SNX24: variants seen among roughly 807,000 people sequenced by gnomAD.
SNX24 encodes sorting nexin-24.
A neutral mutation model predicts 28.7 loss-of-function variants in SNX24; 22 were observed. The ratio of observed to expected loss-of-function variants is 0.77; its 90% confidence interval spans 0.55 to 1.10. The LOEUF (loss-of-function observed/expected upper bound fraction) is 1.10, where lower values mean the gene tolerates loss of function less well. SNX24 is among the 50% of genes least tolerant of loss of function. The pLI, the probability that SNX24 is intolerant of heterozygous loss-of-function variation, is 0.00. For missense variants in SNX24, 221 were observed against 201.1 expected (o/e 1.10, Z -0.60); for synonymous variants, 69 against 71.5 (o/e 0.96, Z 0.18).
chr5:122,869,897 GT>G (rs10623024), intron 1 of SNX24, among the ~76,000 whole-genome samples: 3 of 147,698 alleles, frequency 2.0e-5, no homozygotes, highest in Non-Finnish European at 4.5e-5. Context: ...AGTGCTATGA[GT>G]TTTTTTTTTT....
At chr5:122,992,853 A>T (rs1252828944) in intron 3 of SNX24, among the ~76,000 whole-genome samples, 1 of 152,206 alleles carries the variant, frequency 6.6e-6, no homozygotes, top group African/African-American at 2.4e-5. Context: ...TTCCAGAAAA[A>T]CACAGAATGT....
chr5:122,911,067 T>G (rs246289), intron 1 of SNX24, among the ~76,000 whole-genome samples: 115,070 of 150,296 alleles, frequency 0.77, 44,832 homozygotes, highest in East Asian at 0.99. Flanking sequence ...ATGGTTGAAC[T>G]AGTTTACAGT....
intron 3 of SNX24, among the ~76,000 whole-genome samples, chr5:122,986,124 A>G: frequency 6.6e-6 from 1 of 152,182 alleles, no homozygotes; most frequent in Non-Finnish European, 1.5e-5. Flanking sequence ...ATTGGCAGAG[A>G]TGAGGAAAGT....
At chr5:122,965,028 C>T (rs968065223) in intron 3 of SNX24, among the ~76,000 whole-genome samples, 1 of 152,058 alleles carries the variant, frequency 6.6e-6, no homozygotes, top group Non-Finnish European at 1.5e-5. Context: ...AGCATATTCT[C>T]CTTGTTCTAC....
At chr5:122,943,529 C>T (rs1428059822) in intron 2 of SNX24, among the ~76,000 whole-genome samples, 2 of 152,200 alleles carry the variant, frequency 1.3e-5, no homozygotes, top group African/African-American at 2.4e-5. Flanking sequence ...TCACGTGAGG[C>T]TCGGGGCCCT....
chr5:122,921,641 T>G (rs533429229), intron 1 of SNX24, among the ~76,000 whole-genome samples: 8 of 152,282 alleles, frequency 5.3e-5, no homozygotes, highest in African/African-American at 1.9e-4. Context: ...AAAAAAAGAT[T>G]TATTCTTCCT....
chr5:122,848,027 T>G (rs1754720766), intron 1 of SNX24, among the ~76,000 whole-genome samples: 1 of 152,206 alleles, frequency 6.6e-6, no homozygotes, highest in Admixed American at 6.5e-5. Flanking sequence ...TATTTCAGTT[T>G]CCTAAATAAG....
intron 3 of SNX24, among the ~76,000 whole-genome samples, chr5:122,982,096 A>G (rs1761419273): frequency 6.6e-6 from 1 of 152,194 alleles, no homozygotes; most frequent in Admixed American, 6.5e-5. Context: ...TGACTGGTAG[A>G]TAATAGAAGC....
intron 1 of SNX24, among the ~76,000 whole-genome samples, chr5:122,925,099 C>T (rs1194270263): frequency 7.0e-6 from 1 of 142,588 alleles, no homozygotes; most frequent in Non-Finnish European, 1.5e-5. Flanking sequence ...CTCCTCCTTC[C>T]CTCTCTCTTC....
intron 3 of SNX24, among the ~76,000 whole-genome samples, chr5:122,946,394 CTG>C: frequency 6.6e-6 from 1 of 152,220 alleles, no homozygotes; most frequent in East Asian, 1.9e-4. Flanking sequence ...AAGGTGAAAA[CTG>C]TTGAGGAGAG....
chr5:123,023,338 ATTTC>A (rs1247720959), intron 5 of SNX24: 2 of 152,228 alleles, frequency 1.3e-5, no homozygotes, highest in Non-Finnish European at 2.9e-5. Context: ...ATTTTTGTAT[ATTTC>A]TTAAAGAACT....
intron 5 of SNX24, chr5:123,023,837 C>CA (rs397999141): frequency 3.1e-5 from 50 of 1,592,198 alleles, no homozygotes; most frequent in South Asian, 3.4e-5. Flanking sequence ...CACACACACA[C>CA]CCCTGCCAAA....
intron 3 of SNX24, among the ~76,000 whole-genome samples, chr5:122,949,106 G>A (rs1382616634): frequency 6.6e-6 from 1 of 152,108 alleles, no homozygotes; most frequent in Non-Finnish European, 1.5e-5. Flanking sequence ...AATTAATTTT[G>A]TTCTATCTGA....
intron 3 of SNX24, among the ~76,000 whole-genome samples, chr5:122,993,129 T>C (rs1761922859): frequency 6.6e-6 from 1 of 152,124 alleles, no homozygotes; most frequent in Non-Finnish European, 1.5e-5. Flanking sequence ...AGATATCCAT[T>C]TGAATTCCTT....
chr5:122,917,476 A>G (rs980750274), intron 1 of SNX24, among the ~76,000 whole-genome samples: 6 of 152,202 alleles, frequency 3.9e-5, no homozygotes, highest in Admixed American at 3.3e-4. Flanking sequence ...AGGAATAAGC[A>G]TGTTGTTTGC....
intron 6 of SNX24, among the ~76,000 whole-genome samples, chr5:123,006,117 C>T (rs923239977): frequency 1.3e-5 from 2 of 152,110 alleles, no homozygotes; most frequent in Non-Finnish European, 2.9e-5. Context: ...ATTAAGTGGT[C>T]GATCCAGGAA....
At chr5:122,848,398 T>C (rs1379389925) in intron 1 of SNX24, among the ~76,000 whole-genome samples, 1 of 151,926 alleles carries the variant, frequency 6.6e-6, no homozygotes, top group Non-Finnish European at 1.5e-5. Context: ...GCCCGACCTG[T>C]GTTTGTGTTT....
intron 3 of SNX24, among the ~76,000 whole-genome samples, chr5:122,956,377 CA>C (rs1561653748): frequency 9.8e-3 from 105 of 10,684 alleles, no homozygotes; most frequent in African/African-American, 0.087. Context: ...TACACACACA[CA>C]CACACACACA....
intron 6 of SNX24, among the ~76,000 whole-genome samples, chr5:123,006,343 C>T (rs986050030): frequency 7.9e-5 from 12 of 152,170 alleles, no homozygotes; most frequent in Admixed American, 2.6e-4. Context: ...TCACCCCTTC[C>T]CTCACTAGCC....
Sources: gnomAD v4.1 joint callset for allele counts (sites outside exome capture counted in the v4.1 genomes callset) on GRCh38, gnomAD v4.1.1 for gene constraint, MANE v1.5 for transcripts, NCBI Gene and HGNC (gene_info 2026-07-23, HGNC 2026-07-21) for gene names.